ITFG1: variants seen among roughly 807,000 people sequenced by gnomAD.
ITFG1 encodes the protein integrin alpha FG-GAP repeat containing 1.
In ITFG1, 34 loss-of-function variants were observed where a neutral mutation model predicts 81.8. The ratio of observed to expected loss-of-function variants is 0.42; its 90% confidence interval spans 0.32 to 0.55. The LOEUF is 0.55. ITFG1 is among the 20% of genes least tolerant of loss of function. The pLI is 0.17. For missense variants in ITFG1, 672 were observed against 755.4 expected, an observed-to-expected ratio of 0.89 and a Z score of 1.29; for synonymous variants, 285 against 270.6, an observed-to-expected ratio of 1.05 and a Z score of -0.52.
At chr16:47,203,396 A>G (rs1437759203) in intron 14 of ITFG1, among the ~76,000 whole-genome samples, 1 of 152,166 alleles carries the variant, frequency 6.6e-6, no homozygotes, top group Non-Finnish European at 1.5e-5. Flanking sequence ...AGCACATTAC[A>G]TTTATTATGC....
At chr16:47,370,539 C>A (rs1968239151) in intron 7 of ITFG1, among the ~76,000 whole-genome samples, 1 of 152,240 alleles carries the variant, frequency 6.6e-6, no homozygotes, top group South Asian at 2.1e-4. Flanking sequence ...CCCTTTAGGG[C>A]CCTGCAGTTG....
At chr16:47,439,641 A>AT (rs1269135947) in intron 5 of ITFG1, among the ~76,000 whole-genome samples, 1 of 152,186 alleles carries the variant, frequency 6.6e-6, no homozygotes, top group Non-Finnish European at 1.5e-5. Context: ...ATGCTGAGAG[A>AT]TTTTGTCACC....
chr16:47,180,389 G>C (rs1228077784), intron 14 of ITFG1, among the ~76,000 whole-genome samples: 1 of 145,820 alleles, frequency 6.9e-6, no homozygotes, highest in Non-Finnish European at 1.5e-5. Flanking sequence ...CTCTCCCCAC[G>C]GTCTCCCTCT....
intron 14 of ITFG1, among the ~76,000 whole-genome samples, chr16:47,212,864 C>T (rs1448376544): frequency 6.6e-6 from 1 of 151,788 alleles, no homozygotes; most frequent in African/African-American, 2.4e-5. Context: ...TTGTTTATTT[C>T]CTGTTTAACT....
intron 6 of ITFG1, among the ~76,000 whole-genome samples, chr16:47,377,879 T>C (rs1199421426): frequency 7.2e-5 from 11 of 152,222 alleles, no homozygotes; most frequent in Non-Finnish European, 1.3e-4. Flanking sequence ...TGGATAATTA[T>C]GGACAACATG....
intron 6 of ITFG1, among the ~76,000 whole-genome samples, chr16:47,401,234 T>C (rs1338512680): frequency 6.6e-6 from 1 of 152,146 alleles, no homozygotes; most frequent in African/African-American, 2.4e-5. Flanking sequence ...ACTGTGAAGA[T>C]GCTGTCACCC....
At chr16:47,199,902 A>G (rs1157429766) in intron 14 of ITFG1, among the ~76,000 whole-genome samples, 1 of 151,922 alleles carries the variant, frequency 6.6e-6, no homozygotes, top group African/African-American at 2.4e-5. Flanking sequence ...TGCACAACCT[A>G]GATCCCTGGC....
chr16:47,161,958 G>T, intron 15 of ITFG1, 126 bp from the exon 16 acceptor site: 1 of 637,240 alleles, frequency 1.6e-6, no homozygotes, highest in Non-Finnish European at 2.7e-6. Flanking sequence ...ATTAAGCTAT[G>T]TTTACCAATA....
At chr16:47,439,274 CAGG>C (rs1969212395) in intron 5 of ITFG1, among the ~76,000 whole-genome samples, 1 of 152,126 alleles carries the variant, frequency 6.6e-6, no homozygotes, top group Admixed American at 6.5e-5. Flanking sequence ...GGATATTATC[CAGG>C]AGAACTTCCC....
intron 5 of ITFG1, chr16:47,448,862 T>G (rs1969353896): frequency 6.6e-6 from 1 of 152,158 alleles, no homozygotes; most frequent in African/African-American, 2.4e-5. Flanking sequence ...ATTACATTAT[T>G]TCAAGTCATT....
intron 5 of ITFG1, among the ~76,000 whole-genome samples, chr16:47,450,922 G>A (rs762026630): frequency 1.3e-5 from 2 of 152,192 alleles, no homozygotes; most frequent in Non-Finnish European, 2.9e-5. Flanking sequence ...ACATACTGGT[G>A]AAGGACAATG....
chr16:47,392,338 T>C (rs1968542508), intron 6 of ITFG1, among the ~76,000 whole-genome samples: 1 of 152,108 alleles, frequency 6.6e-6, no homozygotes, highest in Admixed American at 6.5e-5. Flanking sequence ...TGTGGATATC[T>C]GGGGGAAGAG....
At chr16:47,423,870 T>G (rs539341552) in intron 6 of ITFG1, among the ~76,000 whole-genome samples, 1 of 152,322 alleles carries the variant, frequency 6.6e-6, no homozygotes, top group East Asian at 1.9e-4. Flanking sequence ...ATTTTTTCCT[T>G]CATTTCAACC....
intron 14 of ITFG1, among the ~76,000 whole-genome samples, chr16:47,203,452 C>T (rs1361027184): frequency 6.6e-6 from 1 of 152,160 alleles, no homozygotes; most frequent in East Asian, 1.9e-4. Flanking sequence ...ATGAATTATA[C>T]AACTCACCAT....
At chr16:47,306,651 T>C (rs1215962053) in intron 10 of ITFG1, among the ~76,000 whole-genome samples, 1 of 138,066 alleles carries the variant, frequency 7.2e-6, no homozygotes, top group African/African-American at 3.2e-5. Flanking sequence ...ATGTAAAAAA[T>C]TAAAAAAAAA....
At position 47,218,955 on chromosome 16, in the gene ITFG1, GAAA is replaced by G; in HGVS notation, c.1375-12_1375-10del. On this transcript the variant is annotated splice_polypyrimidine_tract_variant and intron_variant, in intron 13 of 17. Coordinates refer to ENST00000320640, the MANE Select transcript of ITFG1 (RefSeq NM_030790.5). ...TGATTCACTCCAAAGGGCTGCAATAGAAAAAAAAAATAGTTAAGGCTTGGAAAA... is the reference window on the plus strand; with the variant it reads ...TGATTCACTCCAAAGGGCTGCAATAGAAAAAAATAGTTAAGGCTTGGAAAA... 1 of 1,425,288 alleles carries G rather than the reference GAAA, an allele frequency of 7.0e-7. No individual in the cohort carries two copies. The highest frequency in any genetic ancestry group is 1.5e-5 in the African/African-American group (1 of 67,920). 88.3% of individuals were successfully genotyped at this position (1,425,288 alleles called of 1,614,324 possible). A position where few individuals can be genotyped will look rare whatever the true frequency, so the allele number is the denominator to read the frequency against.
chr16:47,295,773 T>C (rs146547766), intron 10 of ITFG1, among the ~76,000 whole-genome samples: 6 of 152,344 alleles, frequency 3.9e-5, no homozygotes, highest in African/African-American at 1.4e-4. Flanking sequence ...TCTTGATTCT[T>C]TGTATTTCTT....
chr16:47,158,733 T>C, intron 17 of ITFG1, 140 bp downstream of exon 17: 3 of 493,080 alleles, frequency 6.1e-6, no homozygotes, highest in Non-Finnish European at 1.1e-5. Flanking sequence ...AATAAAATGA[T>C]GCTTTGAACA....
intron 8 of ITFG1, among the ~76,000 whole-genome samples, chr16:47,355,722 CA>C (rs1968031334): frequency 6.6e-6 from 1 of 151,952 alleles, no homozygotes; most frequent in African/African-American, 2.4e-5. Flanking sequence ...TGTTTTATTC[CA>C]ACAGAAATCA....
Sources: allele counts gnomAD v4.1 joint callset (sites outside exome capture counted in the v4.1 genomes callset), GRCh38; gene constraint gnomAD v4.1.1; transcripts MANE v1.5; gene names NCBI Gene and HGNC (gene_info 2026-07-23, HGNC 2026-07-21).